ZNF248: variants seen among roughly 807,000 people sequenced by gnomAD.
ZNF248 encodes KRAB protein domain.
ZNF248 carries 20 observed loss-of-function variants against 44.3 expected under a neutral mutation model. That is an observed-to-expected ratio of 0.45 (90% CI 0.32 to 0.66). The LOEUF (loss-of-function observed/expected upper bound fraction) is 0.66, where lower values mean the gene tolerates loss of function less well. Among genes scored for constraint, ZNF248 ranks in the 30% least tolerant of loss-of-function variants. The pLI is 0.04. For missense variants in ZNF248, 654 were observed against 677.0 expected, an observed-to-expected ratio of 0.97 and a Z score of 0.38; for synonymous variants, 224 against 229.0, an observed-to-expected ratio of 0.98 and a Z score of 0.20.
chr10:37,816,372 G>C (rs1169792485), intron 6 of ZNF248, among the ~76,000 whole-genome samples: 1 of 152,180 alleles, frequency 6.6e-6, no homozygotes, highest in African/African-American at 2.4e-5. Context: ...GCCTATCCTG[G>C]CTTCAGCAAG....
the ZNF248 span, among the ~76,000 whole-genome samples, chr10:37,761,136 G>A: frequency 2.6e-5 from 4 of 152,150 alleles, no homozygotes; most frequent in African/African-American, 9.7e-5. Context: ...GCAGTTCCAA[G>A]GTCACCAACA....
chr10:37,805,673 T>C lies in ZNF248; in HGVS notation c.330+27352A>G, dbSNP rs186890791. Among the ~76,000 whole-genome samples, 10 of 152,274 alleles carry C rather than the reference T, an allele frequency of 6.6e-5. No individual in the cohort carries two copies. The East Asian group carries it at 1.7e-3, about 26-fold the overall frequency. Reference sequence around the variant, plus strand: ...CTGTTTTTCTTGTAAGAGGAGTATATAAGGGATCACTGGGTCAATGTGCAT... The same window carrying C: ...CTGTTTTTCTTGTAAGAGGAGTATACAAGGGATCACTGGGTCAATGTGCAT... On this transcript the variant is annotated intron_variant, in intron 6 of 6. Transcript: ENST00000615949.
At chr10:37,773,462 C>T (rs959846780), downstream of ZNF248, among the ~76,000 whole-genome samples, 16 of 152,184 alleles carry the variant, frequency 1.1e-4, 1 homozygote, top group Admixed American at 2.6e-4. Flanking sequence ...ACAATGCAGC[C>T]GCTATGGAAA....
At chr10:37,851,592 TAATC>T (rs2134754423) in intron 3 of ZNF248, among the ~76,000 whole-genome samples, 1 of 151,798 alleles carries the variant, frequency 6.6e-6, no homozygotes, top group South Asian at 2.1e-4. Flanking sequence ...TTTCTCTTCT[TAATC>T]TATCTCTTGT....
chr10:37,801,227 T>A (rs1368386418), intron 6 of ZNF248, among the ~76,000 whole-genome samples: 2 of 150,644 alleles, frequency 1.3e-5, no homozygotes, highest in Admixed American at 6.6e-5. Context: ...ATAAAAAAAA[T>A]TAGCTGGACG....
chr10:37,772,352 C>T (rs571374136), downstream of ZNF248, among the ~76,000 whole-genome samples: 5 of 152,026 alleles, frequency 3.3e-5, no homozygotes, highest in Non-Finnish European at 7.4e-5. Flanking sequence ...TGAGAACCAA[C>T]TGTATGCACT....
At chr10:37,791,372 G>A (rs2048533727) in intron 6 of ZNF248, among the ~76,000 whole-genome samples, 1 of 151,974 alleles carries the variant, frequency 6.6e-6, no homozygotes, top group African/African-American at 2.4e-5. Flanking sequence ...TATGTTAATG[G>A]TCATTTATTA....
At position 37,831,523 on chromosome 10, in the gene ZNF248, T is replaced by C. The variant is rs972186730; in HGVS notation, c.*92A>G. The C allele has an allele frequency of 5.3e-6, 8 of 1,498,032 alleles. No homozygotes were observed. The African/African-American group carries it at 1.1e-4, about 21-fold the overall frequency. 92.8% of individuals were successfully genotyped at this position (1,498,032 alleles called of 1,614,324 possible). ...TTACATATTCAAACAAGAAGTCATT[T>C]TCTACAAATTTCTGACATTCTTTGG... On this transcript the variant is annotated 3_prime_UTR_variant, in exon 6 of 6. Transcript: ENST00000395867.
chr10:37,814,447 A>G (rs2052095569), intron 6 of ZNF248, among the ~76,000 whole-genome samples: 1 of 152,238 alleles, frequency 6.6e-6, no homozygotes, highest in African/African-American at 2.4e-5. Context: ...TCTTTGTATT[A>G]TAACTCCCTG....
chr10:37,798,219 A>G (rs2049379369), intron 6 of ZNF248, among the ~76,000 whole-genome samples: 1 of 152,182 alleles, frequency 6.6e-6, no homozygotes, highest in African/African-American at 2.4e-5. Flanking sequence ...ACCAAAGGTG[A>G]CAAATTATAT....
rs181664579 is a variant in ZNF248, at chr10:37,853,998, C to G, written c.15+2298G>C. ...TAAAGATACCTTGTGGGGTTCAGAACACAAGGAGAAGAAAGCATCAAAACA... is the reference window on the plus strand; with the variant it reads ...TAAAGATACCTTGTGGGGTTCAGAAGACAAGGAGAAGAAAGCATCAAAACA... On this transcript the variant is annotated intron_variant, in intron 3 of 5. Coordinates refer to ENST00000395867, the MANE Select transcript of ZNF248 (RefSeq NM_021045.3). 5.2e-4 allele frequency among the ~76,000 whole-genome samples: 79 copies of G among 152,252 alleles called. 1 individual carries two copies. The East Asian group carries it at 0.011, about 22-fold the overall frequency.
At chr10:37,766,819 T>C in the ZNF248 span, among the ~76,000 whole-genome samples, 3 of 151,866 alleles carry the variant, frequency 2.0e-5, no homozygotes, top group Non-Finnish European at 4.4e-5. Flanking sequence ...GATGATCAAA[T>C]TACTCCGAGC....
At chr10:37,795,189 T>C (rs1247658877) in intron 6 of ZNF248, 1 of 152,232 alleles carries the variant, frequency 6.6e-6, no homozygotes, top group Non-Finnish European at 1.5e-5. Flanking sequence ...TACAGTAGAA[T>C]GTGATGGTTC....
the ZNF248 span, among the ~76,000 whole-genome samples, chr10:37,763,480 T>A: frequency 1.3e-5 from 2 of 152,248 alleles, no homozygotes; most frequent in African/African-American, 2.4e-5. Flanking sequence ...TCCAGCAGAA[T>A]GCTGAGTTGG....
chr10:37,799,017 A>G (rs2049485703), intron 6 of ZNF248, among the ~76,000 whole-genome samples: 2 of 152,112 alleles, frequency 1.3e-5, no homozygotes, highest in African/African-American at 4.8e-5. Context: ...TATTTAAAGA[A>G]TGACATCTCC....
At chr10:37,763,434 T>C in the ZNF248 span, among the ~76,000 whole-genome samples, 1 of 152,236 alleles carries the variant, frequency 6.6e-6, no homozygotes, top group Non-Finnish European at 1.5e-5. Flanking sequence ...ACATCCTGCA[T>C]TCATGAGAAA....
chr10:37,782,661 G>A (rs2047445722), intron 6 of ZNF248, among the ~76,000 whole-genome samples: 1 of 152,176 alleles, frequency 6.6e-6, no homozygotes, highest in African/African-American at 2.4e-5. Context: ...TGATGGAAAT[G>A]TAGACATAGA....
chr10:37,855,175 T>C (rs779407339), intron 3 of ZNF248, among the ~76,000 whole-genome samples: 20 of 152,154 alleles, frequency 1.3e-4, no homozygotes, highest in Admixed American at 2.6e-4. Flanking sequence ...ACATCTTTGG[T>C]AGGTTGACCA....
At chr10:37,820,477 T>A in intron 6 of ZNF248, 6 of 1,596,912 alleles carry the variant, frequency 3.8e-6, no homozygotes, top group East Asian at 2.2e-5. Context: ...GCTGTTCTAC[T>A]TGTCACAGTA....
Sources: gnomAD v4.1 joint callset for allele counts (sites outside exome capture counted in the v4.1 genomes callset) on GRCh38, gnomAD v4.1.1 for gene constraint, MANE v1.5 for transcripts, NCBI Gene and HGNC (gene_info 2026-07-23, HGNC 2026-07-21) for gene names.